The following RMDN2 variants were observed in gnomAD, a reference collection of about 807,000 sequenced individuals.
The protein encoded by RMDN2 is regulator of microtubule dynamics protein 2.
A neutral mutation model predicts 52.8 loss-of-function variants in RMDN2; 61 were observed. The observed-to-expected ratio is 1.16, with a 90% CI of 0.94 to 1.43. The LOEUF is 1.43. Among genes scored for constraint, RMDN2 ranks in the 40% most tolerant of loss-of-function variants. The pLI is 0.00. For missense variants in RMDN2, 592 were observed against 475.3 expected, an observed-to-expected ratio of 1.25 and a Z score of -2.28; for synonymous variants, 180 against 153.1, an observed-to-expected ratio of 1.18 and a Z score of -1.30.
chr2:37,921,617 T>C (rs964807), upstream of RMDN2, among the ~76,000 whole-genome samples: 1 of 152,024 alleles, frequency 6.6e-6, no homozygotes, highest in Non-Finnish European at 1.5e-5. Context: ...TGATGTAATA[T>C]CACATTAGAA....
intron 10 of RMDN2, among the ~76,000 whole-genome samples, chr2:38,027,646 T>A (rs1679878680): frequency 6.6e-6 from 1 of 152,266 alleles, no homozygotes; most frequent in Non-Finnish European, 1.5e-5. Context: ...GACAATTTTT[T>A]ATTTGTCCAT....
At chr2:38,046,076 G>T (rs1425983669) in intron 10 of RMDN2, among the ~76,000 whole-genome samples, 1 of 152,136 alleles carries the variant, frequency 6.6e-6, no homozygotes, top group Non-Finnish European at 1.5e-5. Context: ...CATACCCAAG[G>T]CTACGCATCC....
chr2:38,016,535 G>A (rs17021847), intron 10 of RMDN2, among the ~76,000 whole-genome samples: 6,816 of 152,276 alleles, frequency 0.045, 498 homozygotes, highest in African/African-American at 0.15. Flanking sequence ...AATATGATCT[G>A]TGTGGGAAAG....
At chr2:37,956,876 A>C (rs976725138) in intron 2 of RMDN2, among the ~76,000 whole-genome samples, 1 of 151,342 alleles carries the variant, frequency 6.6e-6, no homozygotes, top group African/African-American at 2.4e-5. Context: ...TCATTGTTCA[A>C]CTCCCACTTA....
At chr2:37,951,871 C>T (rs763128591) in intron 2 of RMDN2, 21 of 1,613,336 alleles carry the variant, frequency 1.3e-5, no homozygotes, top group Non-Finnish European at 1.6e-5. Flanking sequence ...TTTTCTCTTG[C>T]AAGTGATATT....
chr2:38,004,760 T>A (rs113281156), intron 10 of RMDN2, among the ~76,000 whole-genome samples: 18,613 of 151,782 alleles, frequency 0.12, 1,407 homozygotes, highest in Non-Finnish European at 0.17. Context: ...TTGTTACATA[T>A]GTATATATGT....
At chr2:37,926,371 T>G (rs1666277299) in intron 1 of RMDN2, among the ~76,000 whole-genome samples, 1 of 152,068 alleles carries the variant, frequency 6.6e-6, no homozygotes, top group Non-Finnish European at 1.5e-5. Flanking sequence ...ATATTCTATT[T>G]TCTTTAGAGT....
chr2:37,941,819 G>T (rs1306149954), intron 2 of RMDN2, among the ~76,000 whole-genome samples: 2 of 152,064 alleles, frequency 1.3e-5, no homozygotes, highest in Non-Finnish European at 2.9e-5. Flanking sequence ...GTGGATCTTA[G>T]TTTGCTGGGC....
At chr2:37,932,950 C>T (rs1298349127) in intron 2 of RMDN2, among the ~76,000 whole-genome samples, 1 of 151,020 alleles carries the variant, frequency 6.6e-6, no homozygotes, top group Admixed American at 6.6e-5. Context: ...GAGGTGGCTG[C>T]CGGGCGGAGA....
intron 10 of RMDN2, among the ~76,000 whole-genome samples, chr2:38,034,429 A>C (rs1425898480): frequency 6.6e-6 from 1 of 152,222 alleles, no homozygotes; most frequent in Non-Finnish European, 1.5e-5. Context: ...AGGGCAATAA[A>C]GATCAGACTT....
intron 10 of RMDN2, among the ~76,000 whole-genome samples, chr2:38,059,053 T>G (rs1681945333): frequency 6.6e-6 from 1 of 152,178 alleles, no homozygotes; most frequent in Admixed American, 6.5e-5. Flanking sequence ...TCCAATAAAT[T>G]GAAATGGGTT....
intron 5 of RMDN2, among the ~76,000 whole-genome samples, chr2:37,984,306 C>T (rs1261408514): frequency 6.6e-6 from 1 of 152,134 alleles, no homozygotes; most frequent in Admixed American, 6.6e-5. Flanking sequence ...AATGGATTTG[C>T]AGTTTGTTGG....
intron 2 of RMDN2, among the ~76,000 whole-genome samples, chr2:37,956,951 C>T (rs1669559943): frequency 6.6e-6 from 1 of 152,112 alleles, no homozygotes; most frequent in Admixed American, 6.5e-5. Context: ...TGGTGGTTTC[C>T]AGCTTCATCC....
chr2:37,946,347 G>T (rs146965399), intron 2 of RMDN2, among the ~76,000 whole-genome samples: 130 of 152,192 alleles, frequency 8.5e-4, no homozygotes, highest in African/African-American at 3.1e-3. Context: ...TAGGGTGGAG[G>T]TGAATGGACA....
At chr2:38,006,543 C>T (rs1469276548) in intron 10 of RMDN2, among the ~76,000 whole-genome samples, 4 of 152,056 alleles carry the variant, frequency 2.6e-5, no homozygotes, top group Non-Finnish European at 5.9e-5. Flanking sequence ...GTGATTTTTG[C>T]ACATTGATTT....
intron 5 of RMDN2, among the ~76,000 whole-genome samples, chr2:37,982,614 C>T (rs1673470283): frequency 6.6e-6 from 1 of 152,012 alleles, no homozygotes; most frequent in African/African-American, 2.4e-5. Flanking sequence ...CTTAGTGTGT[C>T]GCGGATGGAT....
At chr2:38,027,232 G>A (rs1309060494) in intron 10 of RMDN2, 2 of 152,192 alleles carry the variant, frequency 1.3e-5, no homozygotes, top group Non-Finnish European at 2.9e-5. Flanking sequence ...TCCATACACA[G>A]ACCTGGATGC....
chr2:38,064,028 G>GAAGT (rs1682166347), intron 10 of RMDN2, among the ~76,000 whole-genome samples: 1 of 152,054 alleles, frequency 6.6e-6, no homozygotes, highest in African/African-American at 2.4e-5. Context: ...ATATATCTAT[G>GAAGT]AAGTACACAC....
intron 10 of RMDN2, among the ~76,000 whole-genome samples, chr2:38,063,663 G>A (rs1384728063): frequency 1.3e-5 from 2 of 151,746 alleles, no homozygotes; most frequent in East Asian, 3.9e-4. Context: ...TCTGACAAAG[G>A]GCTAATATCC....
Sources: gnomAD v4.1 joint callset for allele counts (sites outside exome capture counted in the v4.1 genomes callset) on GRCh38, gnomAD v4.1.1 for gene constraint, MANE v1.5 for transcripts, NCBI Gene and HGNC (gene_info 2026-07-23, HGNC 2026-07-21) for gene names.